TYW1B: variants seen among roughly 807,000 people sequenced by gnomAD.
TYW1B encodes the protein tRNA-yW synthesizing protein 1 homolog B.
Under a neutral mutation model 86.9 loss-of-function variants are expected in TYW1B, and 73 were observed. The ratio of observed to expected loss-of-function variants is 0.84; its 90% CI spans 0.70 to 1.02. TYW1B has a LOEUF of 1.02. Ranked by LOEUF, TYW1B falls within the 50% of genes least tolerant of loss-of-function variation. The probability of loss-of-function intolerance (pLI) is 0.00; values close to 1 mark genes in which losing one functional copy is unlikely to be tolerated. For missense variants in TYW1B, 637 were observed against 827.4 expected (o/e 0.77, Z 2.82); for synonymous variants, 248 against 292.8 (o/e 0.85, Z 1.56).
intron 8 of TYW1B, among the ~76,000 whole-genome samples, chr7:72,737,881 TCTC>T (rs1294335315): frequency 2.0e-5 from 3 of 150,878 alleles, no homozygotes; most frequent in African/African-American, 7.3e-5. Context: ...TTCACACCAT[TCTC>T]CTGCCTCAGC....
intron 13 of TYW1B, among the ~76,000 whole-genome samples, chr7:72,613,877 G>A (rs1312784259): frequency 2.0e-5 from 3 of 152,036 alleles, no homozygotes; most frequent in African/African-American, 7.2e-5. Flanking sequence ...TAACTGTATC[G>A]TGGTTGTAAG....
chr7:72,675,539 G>GTGTATA (rs1354550989), intron 11 of TYW1B, among the ~76,000 whole-genome samples: 3 of 144,486 alleles, frequency 2.1e-5, no homozygotes, highest in Non-Finnish European at 3.0e-5. Context: ...AGTGATGTCA[G>GTGTATA]TATATATATA....
At chr7:72,708,783 G>A (rs782544249) in intron 10 of TYW1B, among the ~76,000 whole-genome samples, 3 of 152,030 alleles carry the variant, frequency 2.0e-5, no homozygotes, top group African/African-American at 4.8e-5. Context: ...AGTTTAATTC[G>A]GAGAGGCCTC....
chr7:72,646,670 G>T (rs1480730704), intron 11 of TYW1B, among the ~76,000 whole-genome samples: 2 of 152,132 alleles, frequency 1.3e-5, no homozygotes, highest in African/African-American at 4.8e-5. Flanking sequence ...CACCACGCCT[G>T]GCCCTAAAAA....
At chr7:72,631,156 C>T (rs1290935310) in intron 11 of TYW1B, among the ~76,000 whole-genome samples, 1 of 150,752 alleles carries the variant, frequency 6.6e-6, no homozygotes, top group Non-Finnish European at 1.5e-5. Context: ...ACATCCTTAA[C>T]ATTAAAAAAA....
At chr7:72,750,713 C>T (rs912851515) in intron 7 of TYW1B, among the ~76,000 whole-genome samples, 1 of 152,128 alleles carries the variant, frequency 6.6e-6, no homozygotes, top group Non-Finnish European at 1.5e-5. Context: ...AATATTGGAT[C>T]TCTTACCACA....
intron 11 of TYW1B, among the ~76,000 whole-genome samples, chr7:72,657,991 C>T (rs1370962675): frequency 2.0e-5 from 3 of 152,146 alleles, no homozygotes; most frequent in Non-Finnish European, 1.5e-5. Context: ...AGCGGTGGCT[C>T]GCACCTGTAA....
At chr7:72,681,535 T>C (rs1813874459) in intron 11 of TYW1B, among the ~76,000 whole-genome samples, 1 of 150,704 alleles carries the variant, frequency 6.6e-6, no homozygotes, top group Admixed American at 6.6e-5. Flanking sequence ...GTTAAATCCA[T>C]ATTAAAAAAA....
At chr7:72,689,537 C>G (rs1463675462) in intron 11 of TYW1B, among the ~76,000 whole-genome samples, 1 of 152,128 alleles carries the variant, frequency 6.6e-6, no homozygotes, top group East Asian at 1.9e-4. Context: ...GGACATCACA[C>G]ACTCCTGCTG....
At chr7:72,614,230 C>T (rs1308498729) in intron 13 of TYW1B, among the ~76,000 whole-genome samples, 1 of 152,130 alleles carries the variant, frequency 6.6e-6, no homozygotes, top group African/African-American at 2.4e-5. Context: ...GAAGGGAATA[C>T]AGGCTCTGGA....
intron 13 of TYW1B, among the ~76,000 whole-genome samples, chr7:72,588,449 C>A (rs1554430838): frequency 6.6e-6 from 1 of 152,130 alleles, no homozygotes; most frequent in African/African-American, 2.4e-5. Context: ...CTGTGCAAAA[C>A]CTAAATGGAG....
chr7:72,784,850 A>G (rs1788101980), intron 6 of TYW1B, among the ~76,000 whole-genome samples: 1 of 151,408 alleles, frequency 6.6e-6, no homozygotes, highest in East Asian at 1.9e-4. Context: ...ACACCCCCTA[A>G]CCCATTCTCC....
chr7:72,625,466 A>G (rs1187931756), intron 12 of TYW1B, among the ~76,000 whole-genome samples: 1 of 151,462 alleles, frequency 6.6e-6, no homozygotes, highest in Non-Finnish European at 1.5e-5. Flanking sequence ...AAATACAAAA[A>G]TGTTTTAAAT....
chr7:72,593,250 G>A (rs1397767694), intron 13 of TYW1B, among the ~76,000 whole-genome samples: 3 of 149,986 alleles, frequency 2.0e-5, no homozygotes, highest in East Asian at 2.0e-4. Flanking sequence ...CCGAGATCAC[G>A]CCACTGCACT....
chr7:72,815,001 G>A (rs1418764532), intron 3 of TYW1B, among the ~76,000 whole-genome samples: 8 of 149,476 alleles, frequency 5.4e-5, no homozygotes, highest in African/African-American at 1.7e-4. Context: ...ACCTGGAGAC[G>A]GACACTGCAC....
intron 10 of TYW1B, among the ~76,000 whole-genome samples, chr7:72,710,474 A>G (rs1786629238): frequency 6.6e-6 from 1 of 152,140 alleles, no homozygotes. Flanking sequence ...CAATACACTG[A>G]TTTTCATATT....
At chr7:72,723,764 A>AC (rs1786947898) in intron 9 of TYW1B, among the ~76,000 whole-genome samples, 1 of 152,086 alleles carries the variant, frequency 6.6e-6, no homozygotes, top group South Asian at 2.1e-4. Context: ...ACAGAACAAG[A>AC]CCCTATCCCT....
At position 72,622,758 on chromosome 7, in the gene TYW1B, ACAC is replaced by A. The variant is rs552900841; in HGVS notation, c.1618-5922_1618-5920del. On this transcript the variant is annotated intron_variant, in intron 12 of 13. Transcript: ENST00000620995. ...ACACATACAACACACACAAGTGCAC[ACAC>A]CACACACATGCACGCACACAAAACA... Among the ~76,000 whole-genome samples, 5 of 151,712 alleles carry A rather than the reference ACAC, an allele frequency of 3.3e-5. No homozygotes were observed. The East Asian group carries it at 5.8e-4, about 18-fold the overall frequency.
intron 8 of TYW1B, among the ~76,000 whole-genome samples, chr7:72,735,043 G>C (rs1787174227): frequency 6.6e-6 from 1 of 152,098 alleles, no homozygotes; most frequent in Non-Finnish European, 1.5e-5. Flanking sequence ...AAACAATATG[G>C]AGATTCCTCA....
Sources: allele counts gnomAD v4.1 joint callset (sites outside exome capture counted in the v4.1 genomes callset), GRCh38; gene constraint gnomAD v4.1.1; transcripts MANE v1.5; gene names NCBI Gene and HGNC (gene_info 2026-07-23, HGNC 2026-07-21).